The following ICA1L variants were observed in gnomAD, a reference collection of about 807,000 sequenced individuals.
ICA1L encodes islet cell autoantigen 1 like.
Under a neutral mutation model 61.3 loss-of-function variants are expected in ICA1L, and 50 were observed. The observed-to-expected ratio is 0.82, with a 90% CI of 0.65 to 1.03. The LOEUF is 1.03. Among genes scored for constraint, ICA1L ranks in the 50% least tolerant of loss-of-function variants. The pLI is 0.00. For missense variants in ICA1L, 508 were observed against 556.7 expected, an observed-to-expected ratio of 0.91 and a Z score of 0.88; for synonymous variants, 161 against 191.3, an observed-to-expected ratio of 0.84 and a Z score of 1.31.
At chr2:202,814,643 A>G in intron 8 of ICA1L, 59 bp downstream of exon 8, 6 of 1,078,840 alleles carry the variant, frequency 5.6e-6, no homozygotes, top group South Asian at 1.3e-5. Flanking sequence ...TTCCACATAT[A>G]TCATATGATG....
intron 1 of ICA1L, among the ~76,000 whole-genome samples, chr2:202,856,682 A>G (rs1027941332): frequency 6.6e-6 from 1 of 152,214 alleles, no homozygotes; most frequent in Admixed American, 6.5e-5. Flanking sequence ...GAAGAGAGGA[A>G]GTCAACTTAT....
At chr2:202,801,329 T>G (rs1442773921) in intron 9 of ICA1L, among the ~76,000 whole-genome samples, 2 of 152,192 alleles carry the variant, frequency 1.3e-5, no homozygotes, top group Non-Finnish European at 2.9e-5. Flanking sequence ...GTAGTTTGGT[T>G]TCATTTTATT....
At chr2:202,865,978 T>C (rs1687499792) in intron 1 of ICA1L, among the ~76,000 whole-genome samples, 1 of 152,182 alleles carries the variant, frequency 6.6e-6, no homozygotes, top group African/African-American at 2.4e-5. Flanking sequence ...TCGAAAGTCA[T>C]GAAATATTTA....
In ICA1L at chr2:202,849,861, T is replaced by C. The variant is rs1694567586; in HGVS notation, c.-7-20845A>G. ...CCATGCCTCCTGACTGGAAGACACCTCCCAGCAGGGGTCAACAGACACCTC... is the reference window on the plus strand; with the variant it reads ...CCATGCCTCCTGACTGGAAGACACCCCCCAGCAGGGGTCAACAGACACCTC... On this transcript the variant is annotated intron_variant, in intron 1 of 12. Coordinates refer to ENST00000358299, the MANE Select transcript of ICA1L (RefSeq NM_001288622.3). This position sits in a 1 kb window ranked among gnomAD's most constrained non-coding sequence, Gnocchi z 4.5. Among the ~76,000 whole-genome samples, 1 of 152,090 alleles carries C rather than the reference T, an allele frequency of 6.6e-6. No homozygotes were observed. Among genetic ancestry groups the C allele is most frequent in the Admixed American group, 6.5e-5 (1 of 15,268 alleles).
intron 1 of ICA1L, among the ~76,000 whole-genome samples, chr2:202,862,137 C>T (rs1694935436): frequency 6.6e-6 from 1 of 151,216 alleles, no homozygotes; most frequent in Admixed American, 6.6e-5. Context: ...TACAATATTA[C>T]TACTTTAGAA....
At chr2:202,806,347 G>C (rs1240006499) in intron 9 of ICA1L, among the ~76,000 whole-genome samples, 2 of 152,122 alleles carry the variant, frequency 1.3e-5, no homozygotes, top group African/African-American at 4.8e-5. Flanking sequence ...CATACCCAGG[G>C]CCAGAAGGGA....
At chr2:202,860,185 T>C (rs1421027489) in intron 1 of ICA1L, 2 of 151,372 alleles carry the variant, frequency 1.3e-5, no homozygotes, top group East Asian at 3.9e-4. Flanking sequence ...TGGGGGAAGA[T>C]TGCTTGAGCC....
intron 12 of ICA1L, among the ~76,000 whole-genome samples, chr2:202,785,598 T>C (rs1184835023): frequency 6.6e-6 from 1 of 151,926 alleles, no homozygotes; most frequent in African/African-American, 2.4e-5. Context: ...TTTTTTGTTG[T>C]TGTATTTTAG....
chr2:202,847,432 C>T (rs532441843), intron 1 of ICA1L, among the ~76,000 whole-genome samples: 1 of 152,058 alleles, frequency 6.6e-6, no homozygotes, highest in Non-Finnish European at 1.5e-5. Context: ...TTGTTTCAAG[C>T]TTGGGTCTCT....
chr2:202,792,536 G>A (rs1208316239), intron 10 of ICA1L, among the ~76,000 whole-genome samples: 2 of 152,192 alleles, frequency 1.3e-5, no homozygotes, highest in East Asian at 3.8e-4. Flanking sequence ...CGGGTGCAGT[G>A]GCTCACACCT....
chr2:202,831,734 T>C lies in ICA1L; in HGVS notation c.-7-2718A>G, dbSNP rs140228921. ...TTGCCTGCAGAGGGCACACGTTCCC[T>C]GGCAAAGGGAGAAAGTGACTGGGAG... On this transcript the variant is annotated intron_variant, in intron 1 of 12. Coordinates refer to ENST00000358299, the MANE Select transcript of ICA1L (RefSeq NM_001288622.3). 3.6e-3 allele frequency among the ~76,000 whole-genome samples: 543 copies of C among 152,302 alleles called. 5 individuals carry two copies. The highest frequency in any genetic ancestry group is 0.013 in the African/African-American group (523 of 41,568).
chr2:202,864,105 C>T (rs1293581886), intron 1 of ICA1L, among the ~76,000 whole-genome samples: 7 of 152,132 alleles, frequency 4.6e-5, no homozygotes, highest in South Asian at 2.1e-4. Context: ...CTGCTGAATT[C>T]GGTCAAACAT....
chr2:202,826,465 A>G (rs1693845443), intron 2 of ICA1L, among the ~76,000 whole-genome samples: 3 of 152,076 alleles, frequency 2.0e-5, no homozygotes, highest in Admixed American at 2.0e-4. Flanking sequence ...GTTTTACAGT[A>G]CAGATACAAT....
intron 1 of ICA1L, among the ~76,000 whole-genome samples, chr2:202,854,101 T>C (rs775423093): frequency 1.6e-4 from 25 of 152,018 alleles, no homozygotes; most frequent in Admixed American, 1.0e-3. Context: ...GACTGGCAAA[T>C]TGGATAGAGT....
Position 202,779,636 on chromosome 2 carries a change from C to T in ICA1L, c.1346G>A (p.Gly449Asp), listed in dbSNP as rs750184803. 1.9e-6 allele frequency: 3 copies of T among 1,606,620 alleles called. No individual in the cohort carries two copies. Among genetic ancestry groups the T allele is most frequent in the Non-Finnish European group, 2.6e-6 (3 of 1,176,280 alleles). ...PKKLTRSPNN[G>D]NQDMSAWFNL... ...GAACCAGGCTGACATGTCTTGGTTG[C>T]CATTGTTGGGGGCTATTAAAAAAGA... The change falls in exon 13 of 13, where the codon GGC becomes GAC. Residue 449 changes from glycine to aspartate, a missense_variant. Physicochemically the swap from Gly to Asp is moderately conservative, Grantham distance 94. Coordinates refer to ENST00000358299, the MANE Select transcript of ICA1L (RefSeq NM_001288622.3).
At chr2:202,846,995 G>A (rs959980449) in intron 1 of ICA1L, among the ~76,000 whole-genome samples, 2 of 152,192 alleles carry the variant, frequency 1.3e-5, no homozygotes, top group Admixed American at 1.3e-4. Flanking sequence ...GGTACCATGA[G>A]TGAAATTTCC....
chr2:202,807,947 G>A (rs935923388), intron 9 of ICA1L, among the ~76,000 whole-genome samples: 2 of 152,128 alleles, frequency 1.3e-5, no homozygotes, highest in Admixed American at 6.5e-5. Flanking sequence ...GAGACCCTGG[G>A]CCCTGAATAA....
chr2:202,808,269 TG>T (rs1693279440), intron 9 of ICA1L, among the ~76,000 whole-genome samples: 1 of 152,122 alleles, frequency 6.6e-6, no homozygotes, highest in Non-Finnish European at 1.5e-5. Context: ...GTCCTAAAAA[TG>T]GCAGCATTCA....
chr2:202,819,878 CAG>C lies in ICA1L; in HGVS notation c.379_380del (p.Leu127ValfsTer17). 1 of 1,613,908 alleles carries C rather than the reference CAG, an allele frequency of 6.2e-7. No homozygotes were observed. Among genetic ancestry groups the C allele is most frequent in the Non-Finnish European group, 8.5e-7 (1 of 1,179,928 alleles). On this transcript the variant is annotated frameshift_variant, in exon 5 of 13. Coordinates refer to ENST00000358299, the MANE Select transcript of ICA1L (RefSeq NM_001288622.3). LOFTEE classifies it high-confidence loss of function. ...TTGCTACTTCTTGCTTCAGACGAGA[CAG>C]AGGAGTACACAGGGCCAATCTAATG... is the stretch of plus-strand genomic sequence containing the variant. ...AKQRLALCTP[L>X]SRLKQEVATF...
Sources: gnomAD v4.1 joint callset for allele counts (sites outside exome capture counted in the v4.1 genomes callset) on GRCh38, gnomAD v4.1.1 for gene constraint, Gnocchi (gnomAD v3.1) non-coding constraint, MANE v1.5 for transcripts, NCBI Gene and HGNC (gene_info 2026-07-23, HGNC 2026-07-21) for gene names.